Variants in PRKDC observed in about 807,000 individuals in gnomAD.
The protein encoded by PRKDC is protein kinase, DNA-activated, catalytic subunit.
In PRKDC, 82 loss-of-function variants were observed where a neutral mutation model predicts 486.9. The observed-to-expected ratio is 0.17, with a 90% confidence interval of 0.14 to 0.20. The LOEUF is 0.20. Among genes scored for constraint, PRKDC ranks in the 10% least tolerant of loss-of-function variants. The pLI, the probability that PRKDC is intolerant of heterozygous loss-of-function variation, is 1.00. For missense variants in PRKDC, 4,504 were observed against 5,038.2 expected (o/e 0.89, Z 3.21); for synonymous variants, 1,895 against 1,837.0 (o/e 1.03, Z -0.81).
At position 47,867,766 on chromosome 8, in the gene PRKDC, ATTTATTTTTG is replaced by A. The variant is rs150825044; in HGVS notation, c.5364-3013_5364-3004del. ...ATAGTAAAAAATTTAGTTGCCTTTT[ATTTATTTTTG>A]TTTATTTTTTCAGGCTCTCTGGCCT... On this transcript the variant is annotated intron_variant, in intron 40 of 85. Coordinates refer to ENST00000314191, the MANE Select transcript of PRKDC (RefSeq NM_006904.7). 6.4e-3 allele frequency among the ~76,000 whole-genome samples: 972 copies of A among 152,278 alleles called. 4 individuals carry two copies. Among genetic ancestry groups the A allele is most frequent in the African/African-American group, 0.018 (739 of 41,572 alleles).
chr8:47,832,376 C>T (rs1589728259), intron 59 of PRKDC, among the ~76,000 whole-genome samples: 1 of 152,198 alleles, frequency 6.6e-6, no homozygotes, highest in East Asian at 1.9e-4. Context: ...CCAGCCTTAA[C>T]CTCCAAATCA....
In PRKDC at chr8:47,795,469, G is replaced by A. The variant is rs183370880; in HGVS notation, c.10459-968C>T. On this transcript the variant is annotated intron_variant, in intron 73 of 85. Coordinates refer to ENST00000314191, the MANE Select transcript of PRKDC (RefSeq NM_006904.7). Reference sequence around the variant, plus strand: ...CTCCCAAAGGGCTGGGATTACAGGCGTGAGCCACCGCACCCGGCCTTTTTT... The same window carrying A: ...CTCCCAAAGGGCTGGGATTACAGGCATGAGCCACCGCACCCGGCCTTTTTT... Among the ~76,000 whole-genome samples, 437 of 146,908 alleles carry A rather than the reference G, an allele frequency of 3.0e-3. 3 individuals carry two copies. The highest frequency in any genetic ancestry group is 5.2e-3 in the Admixed American group (76 of 14,736).
At chr8:47,840,812 T>G (rs1188560027) in intron 54 of PRKDC, among the ~76,000 whole-genome samples, 1 of 152,200 alleles carries the variant, frequency 6.6e-6, no homozygotes, top group Non-Finnish European at 1.5e-5. Context: ...GTGACATACA[T>G]TTTTTGTTAC....
chr8:47,933,936 C>G lies in PRKDC; in HGVS notation c.1623+29G>C, dbSNP rs8178027. 4.7e-4 allele frequency: 749 copies of G among 1,591,736 alleles called. 4 individuals carry two copies. The African/African-American group carries it at 9.4e-3, about 20-fold the overall frequency. On this transcript the variant is annotated intron_variant, in intron 15 of 85. Transcript: ENST00000314191. ...GGAGACTAATAAAGGAAGTAAGGTACATTTATGGCTTTCAATGGTAAATGT... is the reference window on the plus strand; with the variant it reads ...GGAGACTAATAAAGGAAGTAAGGTAGATTTATGGCTTTCAATGGTAAATGT...
intron 76 of PRKDC, among the ~76,000 whole-genome samples, chr8:47,785,721 G>A (rs538405669): frequency 2.0e-5 from 3 of 151,392 alleles, no homozygotes; most frequent in South Asian, 2.1e-4. Context: ...GGGTATCCGA[G>A]TGAGACCGTG....
intron 38 of PRKDC, 33 bp downstream of exon 38, chr8:47,881,383 G>A (rs1563782526): frequency 8.3e-7 from 1 of 1,209,276 alleles, no homozygotes; most frequent in Non-Finnish European, 1.2e-6. Context: ...AGAAGAGAAT[G>A]TAATCCAAAA....
chr8:47,923,681 T>C (rs552081149), intron 21 of PRKDC, among the ~76,000 whole-genome samples: 1 of 152,348 alleles, frequency 6.6e-6, no homozygotes, highest in African/African-American at 2.4e-5. Flanking sequence ...CCATGCTGGC[T>C]GTGAAGGTGT....
At chr8:47,900,322 G>C in intron 28 of PRKDC, 51 bp downstream of exon 28, 2 of 1,348,020 alleles carry the variant, frequency 1.5e-6, no homozygotes, top group South Asian at 1.7e-5. Context: ...CTCCTCATTG[G>C]GGAAACTCTT....
chr8:47,934,522 G>A (rs149449841), intron 14 of PRKDC, among the ~76,000 whole-genome samples: 10 of 152,262 alleles, frequency 6.6e-5, no homozygotes, highest in East Asian at 3.9e-4. Flanking sequence ...GTGACAGAGC[G>A]AGACTCTGTC....
intron 68 of PRKDC, among the ~76,000 whole-genome samples, chr8:47,813,123 ATTTATTTATTTT>A (rs1780748838): frequency 6.7e-6 from 1 of 150,016 alleles, no homozygotes; most frequent in Non-Finnish European, 1.5e-5. Flanking sequence ...TTATTTATTT[ATTTATTTATTTT>A]GAGACAGAAT....
intron 25 of PRKDC, among the ~76,000 whole-genome samples, chr8:47,905,507 A>G (rs905660645): frequency 2.6e-5 from 4 of 152,200 alleles, no homozygotes; most frequent in Non-Finnish European, 5.9e-5. Context: ...CCTGGATTAC[A>G]GACAATCTAG....
intron 40 of PRKDC, among the ~76,000 whole-genome samples, chr8:47,875,701 T>C (rs2089077188): frequency 6.6e-6 from 1 of 152,338 alleles, no homozygotes; most frequent in East Asian, 1.9e-4. Flanking sequence ...TTTACAAACA[T>C]TTTCAGATTC....
chr8:47,921,255 A>G (rs563316954), intron 21 of PRKDC, among the ~76,000 whole-genome samples: 18 of 146,200 alleles, frequency 1.2e-4, no homozygotes, highest in African/African-American at 4.4e-4. Flanking sequence ...ACTCCATCTC[A>G]AAAAAAAAAG....
intron 40 of PRKDC, among the ~76,000 whole-genome samples, chr8:47,876,661 A>G (rs906070521): frequency 7.1e-6 from 1 of 141,630 alleles, no homozygotes; most frequent in South Asian, 2.3e-4. Flanking sequence ...ACTCTGTCTC[A>G]AAAAAAAAAA....
intron 21 of PRKDC, among the ~76,000 whole-genome samples, chr8:47,921,428 G>C (rs1433374043): frequency 6.6e-6 from 1 of 152,128 alleles, no homozygotes; most frequent in East Asian, 1.9e-4. Flanking sequence ...TGAGTTAATG[G>C]ATACTTTGGA....
At chr8:47,846,360 G>A (rs888925093) in intron 54 of PRKDC, among the ~76,000 whole-genome samples, 3 of 149,770 alleles carry the variant, frequency 2.0e-5, no homozygotes. Flanking sequence ...AGGTTGCAGT[G>A]AGCTGAGGTC....
At position 47,852,781 on chromosome 8, in the gene PRKDC, G is replaced by A. The variant is rs755180402; in HGVS notation, c.6897C>T (p.Tyr2299=). 6.5e-7 allele frequency: 1 copy of A among 1,548,998 alleles called. No individual in the cohort carries two copies. The highest frequency in any genetic ancestry group is 1.4e-5 in the African/African-American group (1 of 73,842). The change falls in exon 52 of 86, where the codon TAC becomes TAT. Residue 2299 remains tyrosine, a synonymous_variant. Transcript: ENST00000314191. The stretch of plus-strand genomic sequence containing the variant: ...ACATATTATTCACCAAAGCCTGGAA[G>A]TATCTACAATAAACACAGAAAAGAC... ...DPQCGIQSSE[Y]FQALVNNMSF...
chr8:47,954,675 G>T (rs1022251047), intron 4 of PRKDC, among the ~76,000 whole-genome samples: 1 of 152,104 alleles, frequency 6.6e-6, no homozygotes, highest in African/African-American at 2.4e-5. Context: ...TGGGTATGGT[G>T]GAAGAACATC....
intron 32 of PRKDC, among the ~76,000 whole-genome samples, chr8:47,889,736 T>C (rs907693472): frequency 2.0e-5 from 3 of 152,224 alleles, no homozygotes; most frequent in African/African-American, 7.2e-5. Context: ...GAAAAAACTA[T>C]TTTATATTTT....
Sources: allele counts gnomAD v4.1 joint callset (sites outside exome capture counted in the v4.1 genomes callset), GRCh38; gene constraint gnomAD v4.1.1; transcripts MANE v1.5; gene names NCBI Gene and HGNC (gene_info 2026-07-23, HGNC 2026-07-21).